The following SPOCK1 variants were observed in gnomAD, a reference collection of about 807,000 sequenced individuals.
SPOCK1 encodes SPARC (osteonectin), cwcv and kazal like domains proteoglycan 1, also known as testican-1.
Under a neutral mutation model 55.3 loss-of-function variants are expected in SPOCK1, and 23 were observed. The observed-to-expected ratio is 0.42, with a 90% CI of 0.30 to 0.59. The LOEUF (loss-of-function observed/expected upper bound fraction) is 0.59. Ranked by LOEUF, SPOCK1 falls within the 20% of genes least tolerant of loss-of-function variation. SPOCK1 has a pLI of 0.22. For synonymous variants in SPOCK1, 226 were observed against 221.0 expected (o/e 1.02, Z -0.20); for missense variants, 499 against 552.5 (o/e 0.90, Z 0.97).
chr5:137,129,222 T>C (rs1405409870), intron 4 of SPOCK1, among the ~76,000 whole-genome samples: 1 of 152,204 alleles, frequency 6.6e-6, no homozygotes, highest in Non-Finnish European at 1.5e-5. Context: ...CATTTTCTTT[T>C]GGACACCGAG....
chr5:137,466,041 T>C (rs896151976), intron 2 of SPOCK1, among the ~76,000 whole-genome samples: 1 of 152,254 alleles, frequency 6.6e-6, no homozygotes, highest in African/African-American at 2.4e-5. Context: ...TTAAAGACTT[T>C]ATTACTGGTT....
At chr5:137,086,756 A>G (rs1752968989) in intron 5 of SPOCK1, among the ~76,000 whole-genome samples, 1 of 152,222 alleles carries the variant, frequency 6.6e-6, no homozygotes, top group Non-Finnish European at 1.5e-5. Context: ...CTGATCCCAG[A>G]AAGTTTAAAT....
intron 2 of SPOCK1, among the ~76,000 whole-genome samples, chr5:137,416,581 G>C (rs1475056177): frequency 6.6e-6 from 1 of 152,058 alleles, no homozygotes; most frequent in Non-Finnish European, 1.5e-5. Context: ...TCTCCCCAAA[G>C]AGCCATAAAA....
intron 3 of SPOCK1, among the ~76,000 whole-genome samples, chr5:137,210,683 C>T (rs1580809224): frequency 6.6e-6 from 1 of 152,182 alleles, no homozygotes; most frequent in East Asian, 1.9e-4. Flanking sequence ...CTGTCATTCT[C>T]TAGATAACCC....
At chr5:137,257,028 G>A (rs1048980181) in intron 3 of SPOCK1, among the ~76,000 whole-genome samples, 6 of 152,162 alleles carry the variant, frequency 3.9e-5, no homozygotes, top group African/African-American at 1.2e-4. Flanking sequence ...GTCAGCTAGA[G>A]TTGGGTCAGG....
chr5:137,204,261 T>C (rs1323222348), intron 3 of SPOCK1, among the ~76,000 whole-genome samples: 1 of 152,250 alleles, frequency 6.6e-6, no homozygotes, highest in Non-Finnish European at 1.5e-5. Flanking sequence ...TTTGTAGTGA[T>C]ATTAAGCCAG....
chr5:137,268,629 G>T (rs1232185869), intron 2 of SPOCK1, among the ~76,000 whole-genome samples: 2 of 152,160 alleles, frequency 1.3e-5, no homozygotes, highest in Non-Finnish European at 2.9e-5. Context: ...TGACCAAAGT[G>T]TTCTTAGCCT....
chr5:137,037,337 T>C (rs944067651), intron 6 of SPOCK1, among the ~76,000 whole-genome samples: 1 of 150,498 alleles, frequency 6.6e-6, no homozygotes, highest in African/African-American at 2.5e-5. Flanking sequence ...TAGCCTATGA[T>C]GGACAGAACA....
chr5:137,377,519 A>G (rs1751344854), intron 2 of SPOCK1, among the ~76,000 whole-genome samples: 1 of 152,232 alleles, frequency 6.6e-6, no homozygotes, highest in Admixed American at 6.5e-5. Context: ...TTAACTTTAG[A>G]AAAATATTTT....
intron 3 of SPOCK1, among the ~76,000 whole-genome samples, chr5:137,154,717 C>A (rs980933036): frequency 2.0e-5 from 3 of 152,144 alleles, no homozygotes; most frequent in African/African-American, 7.2e-5. Flanking sequence ...CATCATAATG[C>A]CCTCACAGAC....
chr5:137,290,122 A>G (rs1757344371), intron 2 of SPOCK1, among the ~76,000 whole-genome samples: 1 of 152,226 alleles, frequency 6.6e-6, no homozygotes, highest in African/African-American at 2.4e-5. Context: ...GGAAATGAGT[A>G]CAGGAATACA....
At chr5:137,243,998 C>G (rs1648856820) in intron 3 of SPOCK1, among the ~76,000 whole-genome samples, 1 of 152,144 alleles carries the variant, frequency 6.6e-6, no homozygotes, top group Non-Finnish European at 1.5e-5. Flanking sequence ...CAATGGCCCT[C>G]TTTCCCAACA....
At chr5:137,381,562 C>G (rs765157193) in intron 2 of SPOCK1, among the ~76,000 whole-genome samples, 15 of 152,194 alleles carry the variant, frequency 9.9e-5, no homozygotes, top group Non-Finnish European at 1.9e-4. Context: ...TCTGCACACC[C>G]ACAAGCCCAA....
intron 2 of SPOCK1, among the ~76,000 whole-genome samples, chr5:137,280,785 A>G (rs2127125005): frequency 6.6e-6 from 1 of 152,332 alleles, no homozygotes; most frequent in African/African-American, 2.4e-5. Flanking sequence ...AGAAAACAGA[A>G]AAACAATATG....
At chr5:137,498,314 T>A in intron 2 of SPOCK1, 59 bp downstream of exon 2, 1 of 1,411,102 alleles carries the variant, frequency 7.1e-7, no homozygotes, top group Non-Finnish European at 9.4e-7. Flanking sequence ...CAACCCCGCT[T>A]CAGGGGTCCC....
At chr5:137,027,027 C>A (rs1324457051) in intron 6 of SPOCK1, among the ~76,000 whole-genome samples, 1 of 152,136 alleles carries the variant, frequency 6.6e-6, no homozygotes, top group Non-Finnish European at 1.5e-5. Flanking sequence ...AATAATTAAA[C>A]TCATGTATTT....
intron 2 of SPOCK1, among the ~76,000 whole-genome samples, chr5:137,444,017 C>G (rs148795363): frequency 6.3e-4 from 96 of 152,290 alleles, no homozygotes; most frequent in Admixed American, 1.6e-3. Flanking sequence ...CATAAACAGG[C>G]ATAAAGCGTG....
rs763078934 is a variant in SPOCK1, at chr5:136,979,315, CAGG to C, written c.1129+14_1129+16del. ...CACCCAGGTCATTGTGGGGCTCATG[CAGG>C]AGGCCTTACTCACCACAGCTCACAG... On this transcript the variant is annotated intron_variant, in intron 10 of 10. Transcript: ENST00000394945. 6.2e-7 allele frequency: 1 copy of C among 1,613,502 alleles called. No individual in the cohort carries two copies. Among genetic ancestry groups the C allele is most frequent in the African/African-American group, 1.3e-5 (1 of 75,056 alleles).
chr5:137,474,025 G>A (rs757265371), intron 2 of SPOCK1, among the ~76,000 whole-genome samples: 7 of 152,226 alleles, frequency 4.6e-5, no homozygotes, highest in Non-Finnish European at 7.3e-5. Context: ...TCACTGATAT[G>A]TGGGAGCTAA....
Sources: allele counts gnomAD v4.1 joint callset (sites outside exome capture counted in the v4.1 genomes callset), GRCh38; gene constraint gnomAD v4.1.1; transcripts MANE v1.5; gene names NCBI Gene and HGNC (gene_info 2026-07-23, HGNC 2026-07-21).